CCDC146: variants seen among roughly 807,000 people sequenced by gnomAD.
CCDC146 encodes the protein coiled-coil domain containing 146.
A neutral mutation model predicts 119.3 loss-of-function variants in CCDC146; 92 were observed. The ratio of observed to expected loss-of-function variants is 0.77; its 90% CI spans 0.65 to 0.92. The LOEUF is 0.92. CCDC146 is among the 40% of genes least tolerant of loss of function. The pLI is 0.00. For missense variants in CCDC146, 1,000 were observed against 1,103.0 expected (o/e 0.91, Z 1.32); for synonymous variants, 372 against 371.8 (o/e 1.00, Z -0.01).
chr7:77,273,031 T>C (rs1344179928), intron 9 of CCDC146, among the ~76,000 whole-genome samples: 3 of 152,196 alleles, frequency 2.0e-5, no homozygotes, highest in Non-Finnish European at 2.9e-5. Context: ...TTATAATAAC[T>C]ATAATTTGAA....
chr7:77,261,553 C>T (rs970118639), intron 8 of CCDC146, among the ~76,000 whole-genome samples: 1 of 152,204 alleles, frequency 6.6e-6, no homozygotes, highest in Non-Finnish European at 1.5e-5. Flanking sequence ...TCTCGGCTCA[C>T]TGCAAGCTCC....
chr7:77,186,522 A>T (rs909478098), intron 2 of CCDC146, among the ~76,000 whole-genome samples: 1 of 152,064 alleles, frequency 6.6e-6, no homozygotes, highest in Admixed American at 6.6e-5. Flanking sequence ...GGGGTAAGTG[A>T]GGATGGTTAA....
chr7:77,181,843 T>G (rs1041929297), intron 2 of CCDC146, among the ~76,000 whole-genome samples: 2 of 152,232 alleles, frequency 1.3e-5, no homozygotes, highest in Non-Finnish European at 2.9e-5. Flanking sequence ...CAGGATTTTG[T>G]GTCATACCTT....
chr7:77,205,443 G>A (rs1329453909), intron 2 of CCDC146, among the ~76,000 whole-genome samples: 1 of 152,052 alleles, frequency 6.6e-6, no homozygotes, highest in East Asian at 1.9e-4. Flanking sequence ...TGTTTTCTCC[G>A]TAAGACACAT....
chr7:77,243,956 G>A (rs570893394), intron 4 of CCDC146, among the ~76,000 whole-genome samples: 3 of 152,222 alleles, frequency 2.0e-5, no homozygotes, highest in African/African-American at 7.2e-5. Flanking sequence ...TTGGCTCACT[G>A]CAACCTCCAC....
chr7:77,282,877 C>A (rs1351813466), intron 15 of CCDC146, 92 bp downstream of exon 15: 1 of 798,422 alleles, frequency 1.3e-6, no homozygotes, highest in East Asian at 2.6e-5. Context: ...TAAACCAAGC[C>A]ATACTATTTC....
intron 1 of CCDC146, among the ~76,000 whole-genome samples, chr7:77,158,518 T>G (rs964350131): frequency 6.4e-4 from 98 of 152,090 alleles, no homozygotes; most frequent in African/African-American, 2.2e-3. Context: ...TATTTATTGT[T>G]TTTTTTTGTT....
At chr7:77,142,911 A>T (rs1411675653) in intron 1 of CCDC146, among the ~76,000 whole-genome samples, 1 of 151,770 alleles carries the variant, frequency 6.6e-6, no homozygotes, top group African/African-American at 2.4e-5. Flanking sequence ...ATGATTTATA[A>T]TCCTTTGGGT....
intron 2 of CCDC146, among the ~76,000 whole-genome samples, chr7:77,221,470 TGTTA>T (rs748198124): frequency 2.0e-5 from 3 of 152,204 alleles, no homozygotes; most frequent in Non-Finnish European, 4.4e-5. Flanking sequence ...AATCTGCTGG[TGTTA>T]GTTCTATGAG....
intron 1 of CCDC146, among the ~76,000 whole-genome samples, chr7:77,136,756 T>A (rs1790865924): frequency 6.6e-6 from 1 of 152,198 alleles, no homozygotes. Flanking sequence ...TACTTCTGAA[T>A]CACTCTGAGG....
intron 2 of CCDC146, among the ~76,000 whole-genome samples, chr7:77,188,969 C>G (rs1791714628): frequency 6.6e-6 from 1 of 152,128 alleles, no homozygotes. Flanking sequence ...TGTGCCAGGG[C>G]TGTTTCTGTA....
intron 2 of CCDC146, among the ~76,000 whole-genome samples, chr7:77,208,641 T>A (rs1458899296): frequency 6.6e-6 from 1 of 152,240 alleles, no homozygotes; most frequent in Non-Finnish European, 1.5e-5. Context: ...CCTGTTTCTG[T>A]CCTTCATTCT....
At chr7:77,142,306 AT>A (rs1380434030) in intron 1 of CCDC146, among the ~76,000 whole-genome samples, 1 of 22,360 alleles carries the variant, frequency 4.5e-5, no homozygotes, top group Non-Finnish European at 8.3e-5. Context: ...ATGATTGTAC[AT>A]TTATTTATTT....
chr7:77,198,989 T>C, intron 2 of CCDC146: 1 of 598,020 alleles, frequency 1.7e-6, no homozygotes, highest in East Asian at 2.8e-5. Flanking sequence ...CAGAACTAAC[T>C]ATGATTTTTG....
At chr7:77,156,162 A>G (rs1413595855) in intron 1 of CCDC146, among the ~76,000 whole-genome samples, 2 of 152,208 alleles carry the variant, frequency 1.3e-5, no homozygotes, top group Admixed American at 1.3e-4. Context: ...TGGATTACAC[A>G]TGCGTATAAT....
intron 8 of CCDC146, 101 bp downstream of exon 8, chr7:77,260,337 T>C (rs976167099): frequency 4.4e-5 from 34 of 780,372 alleles, no homozygotes; most frequent in Non-Finnish European, 5.3e-5. Context: ...TAATAAATAT[T>C]TAAAAATAAT....
intron 2 of CCDC146, among the ~76,000 whole-genome samples, chr7:77,185,004 C>T (rs917051954): frequency 5.9e-5 from 9 of 151,976 alleles, no homozygotes; most frequent in Admixed American, 4.6e-4. Flanking sequence ...AAAATTAGTC[C>T]ACTTCCTGAC....
chr7:77,283,240 A>T (rs1437164427), intron 15 of CCDC146, among the ~76,000 whole-genome samples: 1 of 152,188 alleles, frequency 6.6e-6, no homozygotes, highest in Admixed American at 6.5e-5. Context: ...ATATAACTTG[A>T]TTCTTTATTA....
At chr7:77,209,605 G>A (rs181944824) in intron 2 of CCDC146, among the ~76,000 whole-genome samples, 174 of 152,334 alleles carry the variant, frequency 1.1e-3, no homozygotes, top group South Asian at 2.7e-3. Context: ...ACTCTGTGTG[G>A]AGGTTCCAAC....
Sources: gnomAD v4.1 joint callset for allele counts (sites outside exome capture counted in the v4.1 genomes callset) on GRCh38, gnomAD v4.1.1 for gene constraint, MANE v1.5 for transcripts, NCBI Gene and HGNC (gene_info 2026-07-23, HGNC 2026-07-21) for gene names.